VPS54: variants seen among roughly 807,000 people sequenced by gnomAD.
The protein encoded by VPS54 is VPS54 subunit of GARP complex.
In VPS54, 45 loss-of-function variants were observed where a neutral mutation model predicts 121.5. That is an observed-to-expected ratio of 0.37 (90% CI 0.29 to 0.47). The LOEUF (loss-of-function observed/expected upper bound fraction) is 0.47, where lower values mean the gene tolerates loss of function less well. VPS54 is among the 20% of genes least tolerant of loss of function. The pLI, the probability that VPS54 is intolerant of heterozygous loss-of-function variation, is 0.99. For missense variants in VPS54, 1,090 were observed against 1,131.4 expected (o/e 0.96, Z 0.52); for synonymous variants, 371 against 385.8 (o/e 0.96, Z 0.45).
Position 63,944,650 on chromosome 2 carries a change from C to T in VPS54, c.1251G>A (p.Val417=), listed in dbSNP as rs1674893703. 6.2e-7 allele frequency: 1 copy of T among 1,608,228 alleles called. No homozygotes were observed. Among genetic ancestry groups the T allele is most frequent in the Non-Finnish European group, 8.5e-7 (1 of 1,177,856 alleles). Residue 417 remains valine (V), a synonymous_variant, in exon 10 of 23, where the codon GTG becomes GTA. Transcript: ENST00000272322. Reference sequence around the variant, plus strand: ...CTTCTGTTTGTGAAACTTTATTAATCACACACTGCAAAATTTAAGAAAAAA... The same window carrying T: ...CTTCTGTTTGTGAAACTTTATTAATTACACACTGCAAAATTTAAGAAAAAA... ...ITAKNIIKQC[V]INKVSQTEEI... is the part of the protein sequence containing the mutation.
At chr2:63,967,027 T>A (rs1484427952) in intron 5 of VPS54, among the ~76,000 whole-genome samples, 1 of 152,222 alleles carries the variant, frequency 6.6e-6, no homozygotes, top group Non-Finnish European at 1.5e-5. Context: ...TACCTCATAC[T>A]TTATAGAAAT....
At chr2:63,935,017 T>A (rs1674387893) in intron 11 of VPS54, among the ~76,000 whole-genome samples, 2 of 152,062 alleles carry the variant, frequency 1.3e-5, no homozygotes, top group Non-Finnish European at 2.9e-5. Flanking sequence ...TAACTTCGGG[T>A]CTCCAAAATC....
At chr2:63,986,168 G>C (rs1171771206) in intron 1 of VPS54, among the ~76,000 whole-genome samples, 1 of 152,090 alleles carries the variant, frequency 6.6e-6, no homozygotes, top group Non-Finnish European at 1.5e-5. Context: ...CAATAAAAAT[G>C]ACTTTTTACT....
chr2:63,918,616 T>C (rs1241742857), intron 15 of VPS54, among the ~76,000 whole-genome samples: 1 of 151,972 alleles, frequency 6.6e-6, no homozygotes, highest in Non-Finnish European at 1.5e-5. Context: ...ATTTACTTAA[T>C]TCCTTCAATT....
intron 1 of VPS54, among the ~76,000 whole-genome samples, chr2:64,016,869 A>C (rs1218698830): frequency 6.6e-6 from 1 of 151,940 alleles, no homozygotes; most frequent in African/African-American, 2.4e-5. Flanking sequence ...TAGGCTTCCC[A>C]AAGTGGTGGG....
In VPS54 at chr2:63,991,852, G is replaced by A. The variant is rs1323964569; in HGVS notation, c.-20-7833C>T. Among the ~76,000 whole-genome samples, 6 of 152,172 alleles carry A rather than the reference G, an allele frequency of 3.9e-5. 1 individual carries two copies. The highest frequency in any genetic ancestry group is 3.3e-4 in the Admixed American group (5 of 15,276). The stretch of plus-strand genomic sequence containing the variant: ...ATTTACCTACAGTCAACCCAGATGG[G>A]TCCCAGCCTCTTCTTCTCAGTACAA... On this transcript the variant is annotated intron_variant, in intron 1 of 22. Coordinates refer to ENST00000272322, the MANE Select transcript of VPS54 (RefSeq NM_016516.3).
At position 63,921,268 on chromosome 2, in the gene VPS54, A is replaced by G; in HGVS notation, c.1807T>C (p.Leu603=). 6.2e-7 allele frequency: 1 copy of G among 1,613,322 alleles called. No individual in the cohort carries two copies. Among genetic ancestry groups the G allele is most frequent in the Non-Finnish European group, 8.5e-7 (1 of 1,179,592 alleles). The part of the protein sequence containing the change: ...GKLANNIQEL[L]YSASDICHDR... ...TGGCATATATCTGAGGCACTATATA[A>G]TAATTCCTGGATATTATTTGCCAGC... The change falls in exon 13 of 23, where the codon TTA becomes CTA. Residue 603 remains leucine (L), a synonymous_variant. Transcript: ENST00000272322.
chr2:63,983,859 AT>A lies in VPS54; in HGVS notation c.136+4del. 1 of 1,584,278 alleles carries A rather than the reference AT, an allele frequency of 6.3e-7. No homozygotes were observed. Among genetic ancestry groups the A allele is most frequent in the Non-Finnish European group, 8.6e-7 (1 of 1,168,232 alleles). On this transcript the variant is annotated splice_donor_region_variant and intron_variant, in intron 2 of 22. Transcript: ENST00000272322. The stretch of plus-strand genomic sequence containing the variant: ...TAAAAATCCTACAAAAAAAAAAAGC[AT>A]TACCTGTGGGTTCCTTGGGACACAC...
chr2:63,922,197 G>A lies in VPS54; in HGVS notation c.1740-862C>T, dbSNP rs145970311. ...AATGTGCTTTTTTTCAATTTTGAGG[G>A]GGAATGTAAAACTTTCTATTTTTAA... On this transcript the variant is annotated intron_variant, in intron 12 of 22. Coordinates refer to ENST00000272322, the MANE Select transcript of VPS54 (RefSeq NM_016516.3). Among the ~76,000 whole-genome samples the A allele has an allele frequency of 1.5e-4, 23 of 152,170 alleles. No homozygotes were observed. In the East Asian group the frequency reaches 4.4e-3, roughly 29 times the overall value.
At chr2:64,007,836 C>T (rs1209812612) in intron 1 of VPS54, among the ~76,000 whole-genome samples, 1 of 152,094 alleles carries the variant, frequency 6.6e-6, no homozygotes, top group African/African-American at 2.4e-5. Flanking sequence ...AAAGTGCGAA[C>T]AGTAAGTAGC....
intron 1 of VPS54, among the ~76,000 whole-genome samples, chr2:64,016,589 C>G (rs915778025): frequency 6.8e-6 from 1 of 146,818 alleles, no homozygotes; most frequent in African/African-American, 2.5e-5. Context: ...ATTATTTAAT[C>G]TAAAAACCAC....
chr2:63,900,684 T>A (rs1672641823), intron 20 of VPS54, among the ~76,000 whole-genome samples: 1 of 152,106 alleles, frequency 6.6e-6, no homozygotes, highest in African/African-American at 2.4e-5. Context: ...AGGTGTTCAG[T>A]CTTCAAAGGG....
intron 2 of VPS54, 32 bp downstream of exon 2, chr2:63,983,832 A>T: frequency 6.4e-7 from 1 of 1,564,148 alleles, no homozygotes; most frequent in East Asian, 2.3e-5. Context: ...AGAAATCATC[A>T]GTAAAAATCC....
chr2:63,965,810 A>T, intron 6 of VPS54, 25 bp downstream of exon 6: 1 of 1,608,370 alleles, frequency 6.2e-7, no homozygotes, highest in East Asian at 2.2e-5. Context: ...AGTTTCCTAC[A>T]TGGAAAAAGT....
In VPS54 at chr2:63,988,208, T is replaced by C. The variant is rs191473422; in HGVS notation, c.-20-4189A>G. ...GGAATGTTCCTTCTATACCCAGTTT[T>C]GAGGGTTTTTATTATGAAAGGATGT... On this transcript the variant is annotated intron_variant, in intron 1 of 22. Coordinates refer to ENST00000272322, the MANE Select transcript of VPS54 (RefSeq NM_016516.3). Among the ~76,000 whole-genome samples, 17 of 152,358 alleles carry C rather than the reference T, an allele frequency of 1.1e-4. No individual in the cohort carries two copies. In the East Asian group the frequency reaches 3.1e-3, roughly 28 times the overall value.
intron 1 of VPS54, among the ~76,000 whole-genome samples, chr2:64,006,176 A>T (rs143449746): frequency 1.1e-3 from 165 of 152,350 alleles, no homozygotes; most frequent in African/African-American, 3.8e-3. Flanking sequence ...CTAAGCATTC[A>T]ATAAACTGCA....
At chr2:64,015,934 T>C (rs919106254) in intron 1 of VPS54, among the ~76,000 whole-genome samples, 1 of 152,184 alleles carries the variant, frequency 6.6e-6, no homozygotes, top group African/African-American at 2.4e-5. Context: ...CTTTCTCAGC[T>C]CTGCTAGCAA....
chr2:63,997,349 G>T (rs1402588801), intron 1 of VPS54, among the ~76,000 whole-genome samples: 1 of 152,132 alleles, frequency 6.6e-6, no homozygotes, highest in East Asian at 1.9e-4. Context: ...TTTACTGGGA[G>T]ACTTTTCATC....
At chr2:63,983,477 C>G (rs550531397) in intron 2 of VPS54, among the ~76,000 whole-genome samples, 7,808 of 129,740 alleles carry the variant, frequency 0.06, 302 homozygotes, top group Middle Eastern at 0.13. Flanking sequence ...TGGAGTCTGT[C>G]TGTCACCCAG....
Sources: gnomAD v4.1 joint callset for allele counts (sites outside exome capture counted in the v4.1 genomes callset) on GRCh38, gnomAD v4.1.1 for gene constraint, MANE v1.5 for transcripts, NCBI Gene and HGNC (gene_info 2026-07-23, HGNC 2026-07-21) for gene names.